Variants in NPAS3 observed in about 807,000 individuals in gnomAD.
The protein encoded by NPAS3 is neuronal PAS domain protein 3.
NPAS3 carries 14 observed loss-of-function variants against 73.1 expected under a neutral mutation model. The ratio of observed to expected loss-of-function variants is 0.19; its 90% CI spans 0.13 to 0.30. The LOEUF (loss-of-function observed/expected upper bound fraction) is 0.30, where lower values mean the gene tolerates loss of function less well. Among genes scored for constraint, NPAS3 ranks in the 10% least tolerant of loss-of-function variants. NPAS3 has a pLI of 1.00. For synonymous variants in NPAS3, 620 were observed against 541.5 expected (o/e 1.14, Z -2.01); for missense variants, 1,096 against 1,250.0 (o/e 0.88, Z 1.86).
chr14:33,627,176 C>T (rs1454392239), intron 5 of NPAS3, among the ~76,000 whole-genome samples: 1 of 152,060 alleles, frequency 6.6e-6, no homozygotes, highest in Non-Finnish European at 1.5e-5. Context: ...CATGGGAATC[C>T]ACACTGGGTC....
intron 5 of NPAS3, among the ~76,000 whole-genome samples, chr14:33,580,642 A>C (rs900671049): frequency 3.9e-5 from 6 of 152,158 alleles, no homozygotes; most frequent in African/African-American, 1.4e-4. Flanking sequence ...TGAGGAAATA[A>C]TCTTTACGAC....
chr14:33,188,140 G>A (rs1326573724), intron 2 of NPAS3, among the ~76,000 whole-genome samples: 1 of 152,212 alleles, frequency 6.6e-6, no homozygotes, highest in East Asian at 1.9e-4. Flanking sequence ...ATGTCGCTGT[G>A]AGGATTACTG....
intron 5 of NPAS3, among the ~76,000 whole-genome samples, chr14:33,564,501 CTG>C (rs1463027370): frequency 1.3e-5 from 2 of 152,236 alleles, no homozygotes; most frequent in Non-Finnish European, 2.9e-5. Flanking sequence ...CCAGCCATAG[CTG>C]TGCGGAAGAC....
At chr14:33,101,371 T>G (rs1046469626) in intron 2 of NPAS3, among the ~76,000 whole-genome samples, 2 of 152,122 alleles carry the variant, frequency 1.3e-5, no homozygotes, top group Non-Finnish European at 2.9e-5. Flanking sequence ...AGAGTGCAGG[T>G]GTATTGTAAA....
intron 3 of NPAS3, among the ~76,000 whole-genome samples, chr14:33,338,585 C>T (rs1172805834): frequency 1.3e-5 from 2 of 152,126 alleles, no homozygotes; most frequent in Non-Finnish European, 2.9e-5. Context: ...AGCTGTTTGA[C>T]TTTTGGCACA....
intron 2 of NPAS3, among the ~76,000 whole-genome samples, chr14:33,133,514 C>G (rs2043718899): frequency 1.3e-5 from 2 of 152,132 alleles, no homozygotes; most frequent in South Asian, 4.1e-4. Context: ...CCCAACTAAA[C>G]TCTAATAATT....
chr14:33,746,175 A>AT (rs562581419), intron 7 of NPAS3, among the ~76,000 whole-genome samples: 15 of 147,310 alleles, frequency 1.0e-4, no homozygotes, highest in East Asian at 1.9e-4. Context: ...ATTTTATTTT[A>AT]TTTATTTATT....
At chr14:32,989,856 A>G (rs747470093) in intron 1 of NPAS3, among the ~76,000 whole-genome samples, 6 of 152,198 alleles carry the variant, frequency 3.9e-5, no homozygotes, top group Non-Finnish European at 7.3e-5. Context: ...GAGAGGAAGG[A>G]GGTGAGATTC....
chr14:33,102,391 C>T (rs893530569), intron 2 of NPAS3, among the ~76,000 whole-genome samples: 1 of 152,158 alleles, frequency 6.6e-6, no homozygotes, highest in East Asian at 1.9e-4. Flanking sequence ...CAAATCATGG[C>T]TCTTTTGTTA....
chr14:33,050,567 A>G (rs975884227), intron 1 of NPAS3, among the ~76,000 whole-genome samples: 4 of 152,188 alleles, frequency 2.6e-5, no homozygotes, highest in African/African-American at 4.8e-5. Context: ...TGACAGAAAA[A>G]TTCATTTATG....
intron 5 of NPAS3, among the ~76,000 whole-genome samples, chr14:33,595,916 C>T (rs1414470086): frequency 6.6e-6 from 1 of 152,218 alleles, no homozygotes; most frequent in South Asian, 2.1e-4. Context: ...GTGATCCGAC[C>T]GCCTAGGCCT....
chr14:33,224,283 A>G (rs2139729608), intron 3 of NPAS3, among the ~76,000 whole-genome samples: 1 of 152,318 alleles, frequency 6.6e-6, no homozygotes, highest in Non-Finnish European at 1.5e-5. Context: ...ATATTTCATA[A>G]GCATAGCAAA....
chr14:33,466,867 G>GC (rs535433980), intron 4 of NPAS3, among the ~76,000 whole-genome samples: 178 of 152,244 alleles, frequency 1.2e-3, no homozygotes, highest in African/African-American at 4.2e-3. Flanking sequence ...CCTCCTACAG[G>GC]CCCCACCTCC....
chr14:33,687,017 ATAGACCTTGAGAAGAAACATT>A (rs763364430), intron 6 of NPAS3, among the ~76,000 whole-genome samples: 2 of 152,236 alleles, frequency 1.3e-5, no homozygotes, highest in Non-Finnish European at 1.5e-5. Context: ...AAGTGAGTGA[ATAGACCTTGAGAAGAAACATT>A]TTTGGGAGGC....
chr14:33,388,908 G>A (rs1450790506), intron 4 of NPAS3, among the ~76,000 whole-genome samples: 1 of 152,062 alleles, frequency 6.6e-6, no homozygotes, highest in East Asian at 1.9e-4. Context: ...ATTGTGCCTA[G>A]CAAATAGTAA....
chr14:33,320,854 G>A (rs965994792), intron 3 of NPAS3, among the ~76,000 whole-genome samples: 2 of 152,056 alleles, frequency 1.3e-5, no homozygotes, highest in African/African-American at 4.8e-5. Context: ...TTAGTGGTGG[G>A]ATAGATGGTT....
chr14:33,222,274 A>G (rs1013602514), intron 3 of NPAS3, among the ~76,000 whole-genome samples: 14 of 152,178 alleles, frequency 9.2e-5, no homozygotes, highest in Admixed American at 2.0e-4. Context: ...ATCGTGCATG[A>G]TGCACCTTCA....
At chr14:32,956,373 C>G (rs2036672087) in intron 1 of NPAS3, among the ~76,000 whole-genome samples, 1 of 152,150 alleles carries the variant, frequency 6.6e-6, no homozygotes, top group Admixed American at 6.5e-5. Flanking sequence ...GTACCTATAA[C>G]ACAAATCTTT....
intron 5 of NPAS3, among the ~76,000 whole-genome samples, chr14:33,654,672 C>T (rs935908327): frequency 6.6e-6 from 1 of 152,180 alleles, no homozygotes; most frequent in African/African-American, 2.4e-5. Context: ...GTATAGACCA[C>T]ACCATGCTGC....
Sources: allele counts gnomAD v4.1 joint callset (sites outside exome capture counted in the v4.1 genomes callset), GRCh38; gene constraint gnomAD v4.1.1; transcripts MANE v1.5; gene names NCBI Gene and HGNC (gene_info 2026-07-23, HGNC 2026-07-21).